DPP6: variants seen among roughly 807,000 people sequenced by gnomAD.
DPP6 encodes the protein dipeptidyl peptidase like 6.
Under a neutral mutation model 122.6 loss-of-function variants are expected in DPP6, and 69 were observed. That is an observed-to-expected ratio of 0.56 (90% CI 0.46 to 0.69). The LOEUF (loss-of-function observed/expected upper bound fraction) is 0.69, where lower values mean the gene tolerates loss of function less well. DPP6 is among the 30% of genes least tolerant of loss of function. The pLI is 0.00. For missense variants in DPP6, 928 were observed against 1,116.9 expected, an observed-to-expected ratio of 0.83 and a Z score of 2.41; for synonymous variants, 418 against 433.1, an observed-to-expected ratio of 0.97 and a Z score of 0.43.
At chr7:154,027,925 C>A (rs1469728719) in intron 1 of DPP6, among the ~76,000 whole-genome samples, 1 of 151,234 alleles carries the variant, frequency 6.6e-6, no homozygotes, top group Admixed American at 6.6e-5. Context: ...ATCCTGGATC[C>A]CGGAAACATG....
intron 1 of DPP6, among the ~76,000 whole-genome samples, chr7:154,265,038 T>C (rs146624766): frequency 4.2e-4 from 1 of 2,382 alleles, no homozygotes; most frequent in East Asian, 0.016. Flanking sequence ...TTAATGGTGA[T>C]GGTGATAATG....
chr7:154,658,553 C>A (rs538771983), intron 6 of DPP6, among the ~76,000 whole-genome samples: 81 of 152,212 alleles, frequency 5.3e-4, no homozygotes, highest in Non-Finnish European at 1.1e-3. Flanking sequence ...AAGCCTTCTG[C>A]AGGGAAGCAG....
At chr7:153,847,329 C>T in the DPP6 span, among the ~76,000 whole-genome samples, 2 of 152,172 alleles carry the variant, frequency 1.3e-5, no homozygotes, top group Admixed American at 1.3e-4. Flanking sequence ...CCTTTTACAT[C>T]TTTGACCATA....
At chr7:154,767,040 G>T (rs7782855) in intron 8 of DPP6, among the ~76,000 whole-genome samples, 75,443 of 151,972 alleles carry the variant, frequency 0.5, 18,943 homozygotes, top group African/African-American at 0.55. Context: ...AGGAAAGAAA[G>T]AAATGAGTTG....
intron 1 of DPP6, among the ~76,000 whole-genome samples, chr7:154,322,569 T>C (rs986622857): frequency 6.6e-6 from 1 of 152,242 alleles, no homozygotes; most frequent in Non-Finnish European, 1.5e-5. Context: ...CTGTGAGACC[T>C]GAACTCCTCC....
At chr7:154,782,419 G>A (rs1797083711) in intron 10 of DPP6, among the ~76,000 whole-genome samples, 1 of 152,204 alleles carries the variant, frequency 6.6e-6, no homozygotes, top group Non-Finnish European at 1.5e-5. Flanking sequence ...CTCAGCTCCA[G>A]CCTTATGTTA....
chr7:153,848,833 A>G, the DPP6 span, among the ~76,000 whole-genome samples: 1 of 152,172 alleles, frequency 6.6e-6, no homozygotes, highest in Non-Finnish European at 1.5e-5. Context: ...CTACTGGGTT[A>G]CTACTAATTT....
At chr7:154,151,176 A>G (rs1394866953) in intron 1 of DPP6, among the ~76,000 whole-genome samples, 2 of 152,238 alleles carry the variant, frequency 1.3e-5, no homozygotes, top group East Asian at 1.9e-4. Flanking sequence ...GAAGCTGCCA[A>G]TATGTGTCCC....
chr7:153,938,967 G>A (rs17339204), intron 1 of DPP6, among the ~76,000 whole-genome samples: 100,731 of 152,026 alleles, frequency 0.66, 34,381 homozygotes, highest in African/African-American at 0.84. Flanking sequence ...AAATACATCA[G>A]TGGCAATACA....
At chr7:154,440,757 C>T (rs936433827) in intron 1 of DPP6, among the ~76,000 whole-genome samples, 2 of 152,192 alleles carry the variant, frequency 1.3e-5, no homozygotes, top group African/African-American at 4.8e-5. Flanking sequence ...CTTCCTCCTT[C>T]CCTAGTGAGA....
At chr7:153,822,516 A>G in the DPP6 span, among the ~76,000 whole-genome samples, 1 of 152,102 alleles carries the variant, frequency 6.6e-6, no homozygotes, top group Non-Finnish European at 1.5e-5. Flanking sequence ...AATAAGTTTC[A>G]GTTAGAATAT....
At chr7:154,016,438 C>T (rs1038759436) in intron 1 of DPP6, among the ~76,000 whole-genome samples, 20 of 149,718 alleles carry the variant, frequency 1.3e-4, no homozygotes, top group African/African-American at 3.7e-4. Context: ...AACTGGTATG[C>T]GTAGTAATAA....
chr7:153,886,272 G>A (rs958523378), upstream of DPP6, among the ~76,000 whole-genome samples: 45 of 152,270 alleles, frequency 3.0e-4, no homozygotes, highest in African/African-American at 1.1e-3. Flanking sequence ...GTGGTCCAGG[G>A]AGCCAACCGC....
At chr7:154,236,086 C>A (rs1338021465) in intron 1 of DPP6, among the ~76,000 whole-genome samples, 2 of 152,166 alleles carry the variant, frequency 1.3e-5, no homozygotes, top group Non-Finnish European at 2.9e-5. Context: ...TTCCTGACGT[C>A]AGGTGATCTG....
chr7:154,475,957 GC>G (rs1822698055), intron 3 of DPP6: 1 of 152,248 alleles, frequency 6.6e-6, no homozygotes, highest in African/African-American at 2.4e-5. Context: ...GTGGCTAGCA[GC>G]CCGTCCCCTG....
At chr7:154,409,676 G>A (rs1410562270) in intron 1 of DPP6, among the ~76,000 whole-genome samples, 1 of 152,118 alleles carries the variant, frequency 6.6e-6, no homozygotes, top group African/African-American at 2.4e-5. Context: ...AGATGTTCCA[G>A]GTTTGTTTTG....
chr7:153,806,204 C>T, the DPP6 span, among the ~76,000 whole-genome samples: 143,265 of 146,162 alleles, frequency 0.98, 70,212 homozygotes, highest in East Asian at 1. Flanking sequence ...AGCCAGAGTC[C>T]TGCCCTGACA....
chr7:154,338,084 A>T (rs1809591604), intron 1 of DPP6, among the ~76,000 whole-genome samples: 1 of 149,242 alleles, frequency 6.7e-6, no homozygotes, highest in Non-Finnish European at 1.5e-5. Flanking sequence ...CTGGATTCAC[A>T]TTTTTTTTTT....
At chr7:154,228,514 C>T (rs921227269) in intron 1 of DPP6, among the ~76,000 whole-genome samples, 1 of 151,934 alleles carries the variant, frequency 6.6e-6, no homozygotes, top group African/African-American at 2.4e-5. Context: ...TCAAATGGTG[C>T]CAGAAGACAG....
Sources: gnomAD v4.1 joint callset for allele counts (sites outside exome capture counted in the v4.1 genomes callset) on GRCh38, gnomAD v4.1.1 for gene constraint, MANE v1.5 for transcripts, NCBI Gene and HGNC (gene_info 2026-07-23, HGNC 2026-07-21) for gene names.